The following SUSD5 variants were observed in gnomAD, a reference collection of about 807,000 sequenced individuals.
SUSD5 encodes sushi domain containing 5.
A neutral mutation model predicts 29.5 loss-of-function variants in SUSD5; 33 were observed. The ratio of observed to expected loss-of-function variants is 1.12; its 90% CI spans 0.85 to 1.49. SUSD5 has a LOEUF of 1.49. Ranked by LOEUF, SUSD5 falls within the 40% of genes most tolerant of loss-of-function variation. The probability of loss-of-function intolerance (pLI) is 0.00; values close to 1 mark genes in which losing one functional copy is unlikely to be tolerated. For missense variants in SUSD5, 776 were observed against 800.6 expected (o/e 0.97, Z 0.37); for synonymous variants, 308 against 325.3 (o/e 0.95, Z 0.57).
At chr3:33,171,151 C>T (rs146466023) in intron 4 of SUSD5, among the ~76,000 whole-genome samples, 1 of 152,266 alleles carries the variant, frequency 6.6e-6, no homozygotes, top group Non-Finnish European at 1.5e-5. Context: ...AGTTCAAGAC[C>T]AGCCTAGCCA....
chr3:33,213,871 A>G lies in SUSD5; in HGVS notation c.290+57T>C. On this transcript the variant is annotated intron_variant, in intron 2 of 4. Coordinates refer to ENST00000309558, the MANE Select transcript of SUSD5 (RefSeq NM_015551.2). ...CAACAGAACAATTACTGAGTCCTATATAAGCCTTGGTGGTGCAACTGGGGT... is the reference window on the plus strand; with the variant it reads ...CAACAGAACAATTACTGAGTCCTATGTAAGCCTTGGTGGTGCAACTGGGGT... 3.9e-6 allele frequency: 6 copies of G among 1,533,806 alleles called. No individual in the cohort carries two copies. The South Asian group carries it at 6.3e-5, about 16-fold the overall frequency.
At chr3:33,209,829 A>G (rs2032290296) in intron 2 of SUSD5, among the ~76,000 whole-genome samples, 1 of 151,808 alleles carries the variant, frequency 6.6e-6, no homozygotes, top group Non-Finnish European at 1.5e-5. Context: ...GGCTCTTTTT[A>G]ATCAGCTATT....
At position 33,175,019 on chromosome 3, in the gene SUSD5, G is replaced by T. The variant is rs376717049; in HGVS notation, c.465C>A (p.Thr155=). 1 of 1,614,046 alleles carries T rather than the reference G, an allele frequency of 6.2e-7. No homozygotes were observed. The highest frequency in any genetic ancestry group is 2.2e-5 in the East Asian group (1 of 44,874). The change falls in exon 4 of 5, where the codon ACC becomes ACA. Residue 155 remains threonine, a synonymous_variant. Coordinates refer to ENST00000309558, the MANE Select transcript of SUSD5 (RefSeq NM_015551.2). ...GCAGTTCATCCCCCATTTCCAAGCCGGTGCGGCCCTGCAGGATGGTGTGTG... is the reference window on the plus strand; with the variant it reads ...GCAGTTCATCCCCCATTTCCAAGCCTGTGCGGCCCTGCAGGATGGTGTGTG... ...SFPHTILQGR[T]GLEMGDELLY...
At position 33,153,660 on chromosome 3, in the gene SUSD5, G is replaced by A. The variant is rs75341012; in HGVS notation, c.972C>T (p.His324=). The A allele has an allele frequency of 1.9e-6, 3 of 1,614,006 alleles. No homozygotes were observed. The highest frequency in any genetic ancestry group is 4.5e-5 in the East Asian group (2 of 44,878). The part of the protein sequence containing the change: ...TKKQFSAGDN[H]SGVKLVPGEP... ...CACCTGGGACCAATTTTACACCACT[G>A]TGGTTGTCTCCAGCAGAAAACTGCT... Residue 324 remains histidine, a synonymous_variant, in exon 5 of 5, where the codon CAC becomes CAT. Coordinates refer to ENST00000309558, the MANE Select transcript of SUSD5 (RefSeq NM_015551.2).
chr3:33,153,689 T>C lies in SUSD5; in HGVS notation c.943A>G (p.Lys315Glu), dbSNP rs2030974801. 1.9e-6 allele frequency: 3 copies of C among 1,614,054 alleles called. No homozygotes were observed. The highest frequency in any genetic ancestry group is 2.5e-6 in the Non-Finnish European group (3 of 1,179,886). Residue 315 changes from lysine (K) to glutamate (E), a missense_variant, in exon 5 of 5, where the codon AAA becomes GAA. Transcript: ENST00000309558. ...GLEKEVDDDTKKQFSAGDNHS... is the reference protein window; with the variant it reads ...GLEKEVDDDTEKQFSAGDNHS... ...TTGTCTCCAGCAGAAAACTGCTTTT[T>C]GGTGTCATCATCCACCTCCTTTTCC... is the stretch of plus-strand genomic sequence containing the variant.
At chr3:33,189,217 C>T (rs2031841061) in intron 3 of SUSD5, among the ~76,000 whole-genome samples, 1 of 152,172 alleles carries the variant, frequency 6.6e-6, no homozygotes, top group Admixed American at 6.5e-5. Flanking sequence ...TGGTGGCTCA[C>T]ACCTGTAATC....
In SUSD5 at chr3:33,193,156, TA is replaced by T. The variant is rs1362744814; in HGVS notation, c.409+14651del. On this transcript the variant is annotated intron_variant, in intron 3 of 4. Coordinates refer to ENST00000309558, the MANE Select transcript of SUSD5 (RefSeq NM_015551.2). ...AGGCATGAGTTCATGAAGGGCCTCATAAGCCAGGTAAAAAGTCTAGAATTCG... is the reference window on the plus strand; with the variant it reads ...AGGCATGAGTTCATGAAGGGCCTCATAGCCAGGTAAAAAGTCTAGAATTCG... Among the ~76,000 whole-genome samples, 44 of 152,308 alleles carry T rather than the reference TA, an allele frequency of 2.9e-4. 1 individual carries two copies. The Middle Eastern group carries it at 0.014, about 47-fold the overall frequency.
At position 33,152,680 on chromosome 3, in the gene SUSD5, G is replaced by A. The variant is rs539153994; in HGVS notation, c.*62C>T. 123 of 1,487,574 alleles carry A rather than the reference G, an allele frequency of 8.3e-5. No homozygotes were observed. In the South Asian group the frequency reaches 1.4e-3, roughly 16 times the overall value. 92.1% of individuals were successfully genotyped at this position (1,487,574 alleles called of 1,614,324 possible). Reference sequence around the variant, plus strand: ...CTGCGTCATGCTCTAGTGAATTATCGTGTGATGTGTCACAGTTATTTTCCT... The same window carrying A: ...CTGCGTCATGCTCTAGTGAATTATCATGTGATGTGTCACAGTTATTTTCCT... On this transcript the variant is annotated 3_prime_UTR_variant, in exon 5 of 5. Transcript: ENST00000309558.
At chr3:33,183,890 G>GT (rs1378185168) in intron 3 of SUSD5, among the ~76,000 whole-genome samples, 4 of 127,628 alleles carry the variant, frequency 3.1e-5, no homozygotes, top group African/African-American at 9.0e-5. Context: ...GGTTAATGGG[G>GT]TTTTTTTTCC....
At chr3:33,217,498 TG>T (rs1243973047) in intron 1 of SUSD5, among the ~76,000 whole-genome samples, 1 of 152,196 alleles carries the variant, frequency 6.6e-6, no homozygotes, top group Non-Finnish European at 1.5e-5. Context: ...AAATTAGCAG[TG>T]GTTACTAACA....
At chr3:33,208,109 A>T (rs910044118) in intron 2 of SUSD5, among the ~76,000 whole-genome samples, 183 bp from the exon 3 acceptor site, 1 of 152,202 alleles carries the variant, frequency 6.6e-6, no homozygotes, top group Non-Finnish European at 1.5e-5. Flanking sequence ...AATACAGGTG[A>T]TGCTTCAGTT....
chr3:33,174,612 C>G (rs2031504319), intron 4 of SUSD5, among the ~76,000 whole-genome samples: 4 of 152,196 alleles, frequency 2.6e-5, no homozygotes, highest in African/African-American at 7.2e-5. Context: ...AAAGTTAACT[C>G]AAGGTCAACT....
chr3:33,174,855 C>G (rs772964497), intron 4 of SUSD5, 31 bp downstream of exon 4: 3 of 1,609,742 alleles, frequency 1.9e-6, no homozygotes. Flanking sequence ...TGCGTGGGCA[C>G]GCGAAGGTGG....
intron 3 of SUSD5, among the ~76,000 whole-genome samples, chr3:33,203,212 G>A (rs1382374696): frequency 6.6e-6 from 1 of 152,228 alleles, no homozygotes; most frequent in East Asian, 1.9e-4. Flanking sequence ...GAGAAGGGCG[G>A]AGGGCCTTGC....
chr3:33,157,809 C>G (rs2031087888), intron 4 of SUSD5, among the ~76,000 whole-genome samples: 1 of 152,238 alleles, frequency 6.6e-6, no homozygotes, highest in Non-Finnish European at 1.5e-5. Context: ...AACGTCCCAA[C>G]TGAGGCCACC....
chr3:33,196,857 A>G (rs1255512633), intron 3 of SUSD5, among the ~76,000 whole-genome samples: 1 of 152,160 alleles, frequency 6.6e-6, no homozygotes, highest in East Asian at 1.9e-4. Context: ...TTCAAGAGTA[A>G]GAAGAAAGGA....
At chr3:33,203,294 T>C (rs2032154234) in intron 3 of SUSD5, among the ~76,000 whole-genome samples, 1 of 151,860 alleles carries the variant, frequency 6.6e-6, no homozygotes, top group Non-Finnish European at 1.5e-5. Flanking sequence ...TCTGAGTAAC[T>C]GTGGGAATCC....
chr3:33,152,429 A>AG lies in SUSD5; in HGVS notation c.*312_*313insC, dbSNP rs1022343935. 5.3e-5 allele frequency: 15 copies of AG among 280,696 alleles called. No homozygotes were observed. The highest frequency in any genetic ancestry group is 8.7e-5 in the African/African-American group (4 of 45,832). 17.4% of individuals were successfully genotyped at this position (280,696 alleles called of 1,614,324 possible). A position where few individuals can be genotyped will look rare whatever the true frequency, so the allele number is the denominator to read the frequency against. On this transcript the variant is annotated 3_prime_UTR_variant, in exon 5 of 5. Coordinates refer to ENST00000309558, the MANE Select transcript of SUSD5 (RefSeq NM_015551.2). ...CATGAGACTCTGTCTCAAAAAAAAA[A>AG]AGATAATACTGTGATGAAGGAAGAG...
intron 3 of SUSD5, among the ~76,000 whole-genome samples, chr3:33,207,304 T>G (rs1028768266): frequency 2.0e-5 from 3 of 152,170 alleles, no homozygotes; most frequent in Non-Finnish European, 4.4e-5. Flanking sequence ...CTGCCCACAT[T>G]CTCTAGACAC....
Sources: allele counts gnomAD v4.1 joint callset (sites outside exome capture counted in the v4.1 genomes callset), GRCh38; gene constraint gnomAD v4.1.1; transcripts MANE v1.5; gene names NCBI Gene and HGNC (gene_info 2026-07-23, HGNC 2026-07-21).